Variants in LPA observed in about 807,000 individuals in gnomAD.
LPA encodes the protein apolipoprotein(a).
In LPA, 199 loss-of-function variants were observed where a neutral mutation model predicts 197.9. That is an observed-to-expected ratio of 1.01 (90% CI 0.90 to 1.13). The LOEUF is 1.13. Ranked by LOEUF, LPA falls within the 50% of genes most tolerant of loss-of-function variation. The pLI, the probability that LPA is intolerant of heterozygous loss-of-function variation, is 0.00. For missense variants in LPA, 1,853 were observed against 1,785.8 expected (o/e 1.04, Z -0.68); for synonymous variants, 715 against 639.5 (o/e 1.12, Z -1.78).
intron 30 of LPA, among the ~76,000 whole-genome samples, chr6:160,553,158 AAAC>A (rs1445557188): frequency 3.9e-5 from 6 of 152,204 alleles, no homozygotes; most frequent in African/African-American, 1.4e-4. Context: ...ACATACGTTG[AAAC>A]AACAATATAT....
At chr6:160,573,518 AG>A (rs1778600150) in intron 28 of LPA, among the ~76,000 whole-genome samples, 1 of 152,008 alleles carries the variant, frequency 6.6e-6, no homozygotes, top group South Asian at 2.1e-4. Context: ...TCATATTACC[AG>A]GGTTGGTTTT....
chr6:160,653,033 T>A (rs1780033900), intron 1 of LPA, among the ~76,000 whole-genome samples: 1 of 152,112 alleles, frequency 6.6e-6, no homozygotes, highest in African/African-American at 2.4e-5. Context: ...TTAAATTTAA[T>A]CCTATTAACA....
chr6:160,615,351 T>A (rs9457962), intron 14 of LPA, among the ~76,000 whole-genome samples: 523 of 116,184 alleles, frequency 4.5e-3, no homozygotes, highest in African/African-American at 0.011. Context: ...GTGTTTTCAG[T>A]TTGTGTGTGT....
At chr6:160,581,586 G>T (rs549563019) in intron 26 of LPA, among the ~76,000 whole-genome samples, 1 of 152,160 alleles carries the variant, frequency 6.6e-6, no homozygotes. Context: ...ACAGCCAAGC[G>T]TCCCAGCCAA....
rs1779320218 is a variant in LPA at position 160,605,137 on chromosome 6, A to G, written c.2854T>C (p.Tyr952His). Residue 952 changes from tyrosine (Y) to histidine (H), a missense_variant, in exon 18 of 39, where the codon TAC becomes CAC. Tyr to His is a moderately conservative substitution (Grantham distance 83). Transcript: ENST00000316300. The part of the protein sequence containing the change: ...HGNGQSYQGT[Y>H]FITVTGRTCQ... ...GTTCTTCCTGTGACAGTAATGAAGT[A>G]TGTGCCTTGATAACTCTGTCCATTT... 3.7e-6 allele frequency: 6 copies of G among 1,614,004 alleles called. No individual in the cohort carries two copies. Among genetic ancestry groups the G allele is most frequent in the Non-Finnish European group, 5.1e-6 (6 of 1,179,866 alleles).
At chr6:160,610,481 TA>T (rs753752754) in intron 16 of LPA, among the ~76,000 whole-genome samples, 2 of 152,190 alleles carry the variant, frequency 1.3e-5, no homozygotes, top group Non-Finnish European at 2.9e-5. Flanking sequence ...CACAGAGTGC[TA>T]TGTGATCTCT....
chr6:160,548,041 G>T, intron 31 of LPA, 104 bp from the exon 32 acceptor site: 1 of 1,229,002 alleles, frequency 8.1e-7, no homozygotes, highest in Non-Finnish European at 1.2e-6. Context: ...GCTTCTCTAG[G>T]ACGACAGAAT....
At chr6:160,565,814 C>G (rs1477947995) in intron 28 of LPA, among the ~76,000 whole-genome samples, 1 of 152,130 alleles carries the variant, frequency 6.6e-6, no homozygotes, top group Non-Finnish European at 1.5e-5. Context: ...CTAAAATAAA[C>G]AGCATAGAGA....
intron 28 of LPA, 38 bp from the exon 29 acceptor site, chr6:160,557,609 GA>G: frequency 6.2e-7 from 1 of 1,602,178 alleles, no homozygotes; most frequent in Non-Finnish European, 8.6e-7. Flanking sequence ...CAAGAGGCGG[GA>G]AAAAATTCAG....
At chr6:160,649,762 C>G (rs1324019457) in intron 2 of LPA, among the ~76,000 whole-genome samples, 1 of 152,184 alleles carries the variant, frequency 6.6e-6, no homozygotes, top group African/African-American at 2.4e-5. Context: ...TCTTCCCGCA[C>G]TTTTTATTGT....
At position 160,606,595 on chromosome 6, in the gene LPA, C is replaced by T; in HGVS notation, c.2667G>A (p.Arg889=). ...AGTACTCCCACCTGACACTGGGATCCCTCGTATAACAATAAGGGGCTGCCA... is the reference window on the plus strand; with the variant it reads ...AGTACTCCCACCTGACACTGGGATCTCTCGTATAACAATAAGGGGCTGCCA... ...DPVAAPYCYT[R]DPSVRWEYCN... is the part of the protein sequence containing the mutation. Residue 889 remains arginine, a synonymous_variant, in exon 17 of 39, where the codon AGG becomes AGA. Transcript: ENST00000316300. 1.2e-6 allele frequency: 2 copies of T among 1,613,898 alleles called. No individual in the cohort carries two copies. The highest frequency in any genetic ancestry group is 1.7e-6 in the Non-Finnish European group (2 of 1,179,936).
At chr6:160,561,291 C>A (rs1000010760) in intron 28 of LPA, among the ~76,000 whole-genome samples, 1 of 152,192 alleles carries the variant, frequency 6.6e-6, no homozygotes, top group Non-Finnish European at 1.5e-5. Flanking sequence ...ATATGGCTAG[C>A]CAGTTTTCCC....
At chr6:160,557,083 T>G (rs1778276657) in intron 29 of LPA, among the ~76,000 whole-genome samples, 1 of 152,086 alleles carries the variant, frequency 6.6e-6, no homozygotes, top group South Asian at 2.1e-4. Flanking sequence ...CACTCACTAG[T>G]GTGAAATTTG....
At position 160,600,934 on chromosome 6, in the gene LPA, T is replaced by G. The variant is rs1470577510; in HGVS notation, c.3110A>C (p.Glu1037Ala). The G allele has an allele frequency of 2.5e-6, 4 of 1,612,662 alleles. No individual in the cohort carries two copies. The Admixed American group carries it at 5.0e-5, about 20-fold the overall frequency. Reference protein sequence around the residue: ...PPNVILAPSLEAFFEQALTEE... With the variant: ...PPNVILAPSLAAFFEQALTEE... Reference sequence around the variant, plus strand: ...CTTCTTACCTTGTTCAAAAAAAGCCTCTAGGCTTGGAGCCAGAATAACATT... The same window carrying G: ...CTTCTTACCTTGTTCAAAAAAAGCCGCTAGGCTTGGAGCCAGAATAACATT... The change falls in exon 19 of 39, where the codon GAG (glutamate) becomes GCG (alanine). Residue 1037 changes from glutamate to alanine, a missense_variant. Around this residue, in one of 3 missense-constraint regions of LPA, gnomAD observed 1,737 missense variants for 1,504.4 expected, o/e 1.15. Coordinates refer to ENST00000316300, the MANE Select transcript of LPA (RefSeq NM_005577.4).
At chr6:160,577,999 CTG>C (rs1778716263) in intron 27 of LPA, among the ~76,000 whole-genome samples, 1 of 152,162 alleles carries the variant, frequency 6.6e-6, no homozygotes, top group Non-Finnish European at 1.5e-5. Context: ...CTGTGAAAGA[CTG>C]AGATAGGCCA....
In LPA at chr6:160,538,522, G is replaced by C. The variant is rs181223314; in HGVS notation, c.5736-561C>G. On this transcript the variant is annotated intron_variant, in intron 36 of 38. Coordinates refer to ENST00000316300, the MANE Select transcript of LPA (RefSeq NM_005577.4). ...CACCTTGCATGAACTAAATGGTATTGTTTTCCAAGGACATTCATATACCTT... is the reference window on the plus strand; with the variant it reads ...CACCTTGCATGAACTAAATGGTATTCTTTTCCAAGGACATTCATATACCTT... Among the ~76,000 whole-genome samples, 239 of 152,260 alleles carry C rather than the reference G, an allele frequency of 1.6e-3. 1 individual carries two copies. Among genetic ancestry groups the C allele is most frequent in the Non-Finnish European group, 2.1e-3 (143 of 68,014 alleles).
intron 33 of LPA, among the ~76,000 whole-genome samples, chr6:160,544,503 GA>G (rs1384066427): frequency 6.6e-6 from 1 of 152,054 alleles, no homozygotes; most frequent in East Asian, 1.9e-4. Flanking sequence ...CTCTCCCCAG[GA>G]GTGGCCCAAA....
intron 22 of LPA, among the ~76,000 whole-genome samples, chr6:160,593,068 T>C (rs1056390473): frequency 6.6e-6 from 1 of 152,184 alleles, no homozygotes; most frequent in African/African-American, 2.4e-5. Context: ...TTCTTGGAGC[T>C]CCTTTCCTCC....
intron 33 of LPA, among the ~76,000 whole-genome samples, chr6:160,544,589 C>G (rs1014266662): frequency 1.3e-5 from 2 of 152,148 alleles, no homozygotes; most frequent in African/African-American, 2.4e-5. Context: ...TCTCAGGATG[C>G]TGGTCTTCAG....
Sources: allele counts gnomAD v4.1 joint callset (sites outside exome capture counted in the v4.1 genomes callset), GRCh38; gene constraint gnomAD v4.1.1; regional missense constraint gnomAD v4.1.1; transcripts MANE v1.5; gene names NCBI Gene and HGNC (gene_info 2026-07-23, HGNC 2026-07-21).